Variants in N4BP2 observed in about 807,000 individuals in gnomAD.
N4BP2 encodes NEDD4 binding protein 2, also known as NEDD4-binding protein 2.
N4BP2 carries 91 observed loss-of-function variants against 152.8 expected under a neutral mutation model. That is an observed-to-expected ratio of 0.60 (90% CI 0.50 to 0.71). The LOEUF is 0.71. Ranked by LOEUF, N4BP2 falls within the 30% of genes least tolerant of loss-of-function variation. The pLI is 0.00. For missense variants in N4BP2, 1,923 were observed against 2,059.1 expected (o/e 0.93, Z 1.28); for synonymous variants, 646 against 705.3 (o/e 0.92, Z 1.33).
At chr4:40,122,828 A>G (rs1295443342) in intron 9 of N4BP2, among the ~76,000 whole-genome samples, 1 of 152,212 alleles carries the variant, frequency 6.6e-6, no homozygotes, top group African/African-American at 2.4e-5. Flanking sequence ...TTTTTAGAAC[A>G]TATTTATTGA....
At chr4:40,066,320 CTTTTTTT>C (rs11384930) in intron 1 of N4BP2, among the ~76,000 whole-genome samples, 1 of 129,068 alleles carries the variant, frequency 7.7e-6, no homozygotes, top group African/African-American at 2.9e-5. Flanking sequence ...GTGATTTTCC[CTTTTTTT>C]TTTTTTTTTG....
chr4:40,090,263 G>A (rs1263837790), intron 2 of N4BP2, among the ~76,000 whole-genome samples: 1 of 152,024 alleles, frequency 6.6e-6, no homozygotes, highest in African/African-American at 2.4e-5. Flanking sequence ...ACCTATTTTA[G>A]TTCCTTTGTC....
chr4:40,124,227 C>T (rs750624275), intron 11 of N4BP2, 22 bp downstream of exon 11: 7 of 1,579,620 alleles, frequency 4.4e-6, no homozygotes, highest in African/African-American at 1.3e-5. Flanking sequence ...GTTTTTATTT[C>T]TAATGTCTTA....
At chr4:40,163,168 C>T (rs1176814774), downstream of N4BP2, among the ~76,000 whole-genome samples, 1 of 152,208 alleles carries the variant, frequency 6.6e-6, no homozygotes, top group Non-Finnish European at 1.5e-5. Flanking sequence ...TTGAAGGATA[C>T]AATGTCAAAG....
At chr4:40,082,793 C>T (rs776634240) in intron 2 of N4BP2, among the ~76,000 whole-genome samples, 12 of 151,956 alleles carry the variant, frequency 7.9e-5, no homozygotes, top group Admixed American at 2.6e-4. Context: ...CTCTGCCGCC[C>T]GGGTTCACGC....
At chr4:40,062,498 C>T (rs1172336072) in intron 1 of N4BP2, among the ~76,000 whole-genome samples, 1 of 151,912 alleles carries the variant, frequency 6.6e-6, no homozygotes, top group East Asian at 1.9e-4. Flanking sequence ...CTGTCTAACA[C>T]ATTACTCCTC....
At chr4:40,095,870 C>G (rs1175656702) in intron 2 of N4BP2, among the ~76,000 whole-genome samples, 1 of 151,990 alleles carries the variant, frequency 6.6e-6, no homozygotes, top group Admixed American at 6.6e-5. Flanking sequence ...ATATGGAGAA[C>G]ATATAGGGGT....
chr4:40,140,844 G>A (rs1319680934), intron 14 of N4BP2, among the ~76,000 whole-genome samples: 2 of 151,086 alleles, frequency 1.3e-5, no homozygotes, highest in African/African-American at 2.4e-5. Flanking sequence ...ATCTTGCACC[G>A]CCCTTAATCC....
At chr4:40,137,824 T>A (rs1368849395) in intron 14 of N4BP2, among the ~76,000 whole-genome samples, 1 of 152,124 alleles carries the variant, frequency 6.6e-6, no homozygotes, top group Non-Finnish European at 1.5e-5. Context: ...ATTGGCTAGT[T>A]TAAATAATTT....
At chr4:40,085,976 T>G (rs1713902702) in intron 2 of N4BP2, among the ~76,000 whole-genome samples, 3 of 151,854 alleles carry the variant, frequency 2.0e-5, no homozygotes, top group Non-Finnish European at 4.4e-5. Flanking sequence ...GTTTTTTGTT[T>G]TTTTTTGAGA....
chr4:40,079,784 A>G (rs1191667971), intron 2 of N4BP2, among the ~76,000 whole-genome samples: 2 of 152,122 alleles, frequency 1.3e-5, no homozygotes, highest in Non-Finnish European at 2.9e-5. Flanking sequence ...CCTGGGTGAC[A>G]GAGGGAGACT....
At chr4:40,175,954 G>A in the N4BP2 span, among the ~76,000 whole-genome samples, 1 of 151,970 alleles carries the variant, frequency 6.6e-6, no homozygotes, top group African/African-American at 2.4e-5. Flanking sequence ...GCCGGGCGCG[G>A]TGGCGGGCGC....
chr4:40,092,944 T>C (rs1245865245), intron 2 of N4BP2, among the ~76,000 whole-genome samples: 1 of 115,660 alleles, frequency 8.6e-6, no homozygotes, highest in East Asian at 2.7e-4. Flanking sequence ...GTGCCCGGCC[T>C]GCTCTTTTTT....
At chr4:40,175,785 G>A in the N4BP2 span, among the ~76,000 whole-genome samples, 1 of 124,090 alleles carries the variant, frequency 8.1e-6, no homozygotes, top group African/African-American at 3.2e-5. Context: ...ACTCCAGCCT[G>A]AGCAACAGAG....
chr4:40,166,506 A>G, the N4BP2 span, among the ~76,000 whole-genome samples: 1 of 152,152 alleles, frequency 6.6e-6, no homozygotes, highest in Non-Finnish European at 1.5e-5. Context: ...CCTGACCAAC[A>G]TGGAGAAACC....
the N4BP2 span, among the ~76,000 whole-genome samples, chr4:40,174,003 A>G: frequency 1.3e-5 from 2 of 152,186 alleles, no homozygotes; most frequent in Non-Finnish European, 2.9e-5. Flanking sequence ...AAACACTAAA[A>G]CTACAAAAAA....
chr4:40,165,226 A>C, the N4BP2 span, among the ~76,000 whole-genome samples: 1 of 152,008 alleles, frequency 6.6e-6, no homozygotes, highest in South Asian at 2.1e-4. Flanking sequence ...AAGCTAGCTC[A>C]AATCTTTTTT....
chr4:40,106,817 T>C (rs1389533411), intron 4 of N4BP2, 83 bp from the exon 5 acceptor site: 4 of 1,333,150 alleles, frequency 3.0e-6, no homozygotes, highest in Non-Finnish European at 4.2e-6. Flanking sequence ...TTGAATAATT[T>C]ATTTTGTTTA....
At chr4:40,130,186 T>C (rs1040719730) in intron 12 of N4BP2, among the ~76,000 whole-genome samples, 3 of 151,824 alleles carry the variant, frequency 2.0e-5, no homozygotes, top group Non-Finnish European at 2.9e-5. Context: ...TCACCACACC[T>C]GGCCAAAAAT....
Sources: gnomAD v4.1 joint callset for allele counts (sites outside exome capture counted in the v4.1 genomes callset) on GRCh38, gnomAD v4.1.1 for gene constraint, MANE v1.5 for transcripts, NCBI Gene and HGNC (gene_info 2026-07-23, HGNC 2026-07-21) for gene names.